The following PPARGC1A variants were observed in gnomAD, a reference collection of about 807,000 sequenced individuals.
The protein encoded by PPARGC1A is PPARG coactivator 1 alpha.
In PPARGC1A, 25 loss-of-function variants were observed where a neutral mutation model predicts 88.7. That is an observed-to-expected ratio of 0.28 (90% CI 0.21 to 0.39). The LOEUF (loss-of-function observed/expected upper bound fraction) is 0.39, where lower values mean the gene tolerates loss of function less well. Among genes scored for constraint, PPARGC1A ranks in the 10% least tolerant of loss-of-function variants. PPARGC1A has a pLI of 1.00. For synonymous variants in PPARGC1A, 363 were observed against 355.6 expected, an observed-to-expected ratio of 1.02 and a Z score of -0.24; for missense variants, 880 against 968.7, an observed-to-expected ratio of 0.91 and a Z score of 1.22.
chr4:23,888,473 A>C (rs1316287394), intron 1 of PPARGC1A, among the ~76,000 whole-genome samples: 3 of 152,222 alleles, frequency 2.0e-5, no homozygotes, highest in Non-Finnish European at 2.9e-5. Context: ...TGCCAGCCAG[A>C]CAACCACCCA....
the PPARGC1A span, among the ~76,000 whole-genome samples, chr4:23,934,326 G>A: frequency 1.3e-5 from 2 of 152,196 alleles, no homozygotes; most frequent in Admixed American, 1.3e-4. Flanking sequence ...CAGAGCAGAG[G>A]CCCAGCCTCC....
At chr4:23,988,912 T>C in the PPARGC1A span, among the ~76,000 whole-genome samples, 1 of 147,442 alleles carries the variant, frequency 6.8e-6, no homozygotes, top group South Asian at 2.1e-4. Flanking sequence ...ATAGATATTA[T>C]TATATAATAT....
intron 7 of PPARGC1A, among the ~76,000 whole-genome samples, chr4:23,820,000 A>G (rs1003013647): frequency 6.6e-6 from 1 of 152,174 alleles, no homozygotes; most frequent in African/African-American, 2.4e-5. Context: ...GTCAATATTT[A>G]TGCTGTTTGT....
the PPARGC1A span, among the ~76,000 whole-genome samples, chr4:24,039,035 T>A: frequency 6.6e-6 from 1 of 152,188 alleles, no homozygotes; most frequent in Non-Finnish European, 1.5e-5. Flanking sequence ...TGGCCCACCA[T>A]TAAATATCAT....
chr4:24,192,454 T>C, the PPARGC1A span, among the ~76,000 whole-genome samples: 1 of 152,226 alleles, frequency 6.6e-6, no homozygotes. Context: ...CGGAAGACCC[T>C]GCCAACTGAA....
At chr4:24,223,352 C>T in the PPARGC1A span, among the ~76,000 whole-genome samples, 2 of 150,640 alleles carry the variant, frequency 1.3e-5, no homozygotes, top group Non-Finnish European at 2.9e-5. Context: ...CACGTTCAAG[C>T]GATTCTCCTG....
At chr4:24,282,066 T>C in the PPARGC1A span, among the ~76,000 whole-genome samples, 36 of 148,812 alleles carry the variant, frequency 2.4e-4, no homozygotes, top group Admixed American at 9.9e-4. Flanking sequence ...CAATAAACAT[T>C]TTTTGAATGA....
chr4:24,022,175 T>C, the PPARGC1A span, among the ~76,000 whole-genome samples: 1 of 152,060 alleles, frequency 6.6e-6, no homozygotes, highest in South Asian at 2.1e-4. Flanking sequence ...CACAGCAAGC[T>C]CTCTTTTGCT....
chr4:24,154,457 G>A, the PPARGC1A span, among the ~76,000 whole-genome samples: 1 of 152,212 alleles, frequency 6.6e-6, no homozygotes, highest in Non-Finnish European at 1.5e-5. Context: ...CTTTAAAATT[G>A]TTGAGAAAAC....
upstream of PPARGC1A, among the ~76,000 whole-genome samples, chr4:23,900,025 A>T (rs1719115869): frequency 6.6e-6 from 1 of 151,066 alleles, no homozygotes; most frequent in African/African-American, 2.5e-5. Context: ...AAAAAAAAAA[A>T]ATTCCAAATG....
the PPARGC1A span, among the ~76,000 whole-genome samples, chr4:24,329,090 G>C: frequency 6.6e-6 from 1 of 151,974 alleles, no homozygotes; most frequent in East Asian, 1.9e-4. Flanking sequence ...ATGCTATTAC[G>C]GGCTGACAAA....
chr4:23,887,198 C>T lies in PPARGC1A; in HGVS notation c.55-2267G>A, dbSNP rs190556280. ...CTTTCCTTCCTCTCACTTGTTCGCT[C>T]GTGCGCTCTCTCTCTCTCTCTCATT... On this transcript the variant is annotated intron_variant, in intron 1 of 12. Transcript: ENST00000264867. Among the ~76,000 whole-genome samples the T allele has an allele frequency of 2.0e-4, 30 of 150,478 alleles. 1 individual carries two copies. In the East Asian group the frequency reaches 4.7e-3, roughly 23 times the overall value.
chr4:24,067,084 C>T, the PPARGC1A span, among the ~76,000 whole-genome samples: 267 of 152,084 alleles, frequency 1.8e-3, 4 homozygotes, highest in African/African-American at 6.0e-3. Flanking sequence ...TTAGGCAGAA[C>T]AATTTATCTT....
At chr4:24,042,122 A>G in the PPARGC1A span, among the ~76,000 whole-genome samples, 1 of 152,314 alleles carries the variant, frequency 6.6e-6, no homozygotes, top group South Asian at 2.1e-4. Context: ...GACAACTGAT[A>G]AGTAAATGTC....
the PPARGC1A span, among the ~76,000 whole-genome samples, chr4:24,349,582 GA>G: frequency 6.6e-6 from 1 of 152,128 alleles, no homozygotes; most frequent in African/African-American, 2.4e-5. Flanking sequence ...GGGAAGTGGG[GA>G]AAAGCGGGTA....
At chr4:23,881,126 CAA>C (rs1201232909) in intron 2 of PPARGC1A, 6 of 152,186 alleles carry the variant, frequency 3.9e-5, no homozygotes, top group South Asian at 2.1e-4. Context: ...CTCCTTCAAA[CAA>C]TGCACAAAGG....
chr4:24,230,483 T>A, the PPARGC1A span, among the ~76,000 whole-genome samples: 1 of 152,154 alleles, frequency 6.6e-6, no homozygotes, highest in Non-Finnish European at 1.5e-5. Context: ...ACCTAAACTT[T>A]TCGCTGGTTC....
At chr4:23,916,663 TATGA>T in the PPARGC1A span, among the ~76,000 whole-genome samples, 1 of 152,244 alleles carries the variant, frequency 6.6e-6, no homozygotes, top group Non-Finnish European at 1.5e-5. Context: ...TATTCCATTG[TATGA>T]AAGTGCCTTG....
chr4:23,917,205 C>T, the PPARGC1A span, among the ~76,000 whole-genome samples: 3 of 152,000 alleles, frequency 2.0e-5, no homozygotes, highest in Admixed American at 2.0e-4. Flanking sequence ...TTAGCTAAAC[C>T]CATGTTGAAG....
Sources: gnomAD v4.1 joint callset for allele counts (sites outside exome capture counted in the v4.1 genomes callset) on GRCh38, gnomAD v4.1.1 for gene constraint, MANE v1.5 for transcripts, NCBI Gene and HGNC (gene_info 2026-07-23, HGNC 2026-07-21) for gene names.